Variants in NOXRED1 observed in about 807,000 individuals in gnomAD.
The protein encoded by NOXRED1 is NADP-dependent oxidoreductase domain-containing protein 1.
In NOXRED1, 20 loss-of-function variants were observed where a neutral mutation model predicts 30.4. That is an observed-to-expected ratio of 0.66 (90% CI 0.46 to 0.96). NOXRED1 has a LOEUF of 0.96. Among genes scored for constraint, NOXRED1 ranks in the 40% least tolerant of loss-of-function variants. The pLI is 0.00. For missense variants in NOXRED1, 374 were observed against 428.0 expected (o/e 0.87, Z 1.11); for synonymous variants, 155 against 168.0 (o/e 0.92, Z 0.60).
rs1295152570 is a variant in NOXRED1, at chr14:77,394,080, A to C, written c.*551T>G. On this transcript the variant is annotated 3_prime_UTR_variant, in exon 6 of 6. Transcript: ENST00000380835. Reference sequence around the variant, plus strand: ...TTTAGCCATTAAATACCAGTTTTTTAAATGGTTTAAATGGGAACAGCTGTA... The same window carrying C: ...TTTAGCCATTAAATACCAGTTTTTTCAATGGTTTAAATGGGAACAGCTGTA... 1 of 152,238 alleles carries C rather than the reference A, an allele frequency of 6.6e-6. No homozygotes were observed. The highest frequency in any genetic ancestry group is 1.5e-5 in the Non-Finnish European group (1 of 68,036). 9.4% of individuals were successfully genotyped at this position (152,238 alleles called of 1,614,324 possible). A position where few individuals can be genotyped will look rare whatever the true frequency, so the allele number is the denominator to read the frequency against.
At chr14:77,400,876 T>G (rs888465483) in intron 5 of NOXRED1, among the ~76,000 whole-genome samples, 8 of 151,846 alleles carry the variant, frequency 5.3e-5, no homozygotes, top group Non-Finnish European at 1.2e-4. Flanking sequence ...TCAAATGAAA[T>G]ATGTGCAAGA....
At chr14:77,409,501 C>A (rs1894585689) in intron 2 of NOXRED1, among the ~76,000 whole-genome samples, 1 of 152,172 alleles carries the variant, frequency 6.6e-6, no homozygotes, top group African/African-American at 2.4e-5. Context: ...AATTAAACCT[C>A]TTTTGTTTAT....
At chr14:77,409,810 A>T (rs1001397400) in intron 2 of NOXRED1, among the ~76,000 whole-genome samples, 2 of 141,364 alleles carry the variant, frequency 1.4e-5, no homozygotes, top group African/African-American at 2.6e-5. Flanking sequence ...ATACCTTGAG[A>T]TTTTTTTTTT....
intron 1 of NOXRED1, among the ~76,000 whole-genome samples, chr14:77,417,140 CA>C (rs879495583): frequency 0.058 from 5,982 of 103,930 alleles, 159 homozygotes; most frequent in South Asian, 0.1. Context: ...CTATTATGGT[CA>C]AAAAAAAAAA....
Position 77,394,871 on chromosome 14 carries a change from A to C in NOXRED1, c.906-66T>G, listed in dbSNP as rs1433933037. ...AGTATATCTGATTTGGCTGTTAAAC[A>C]CATCTTTTAAAGAAAGTTTTCCTCA... is the stretch of plus-strand genomic sequence containing the variant. On this transcript the variant is annotated intron_variant, in intron 5 of 5. Transcript: ENST00000380835. 3.4e-6 allele frequency: 4 copies of C among 1,167,282 alleles called. No individual in the cohort carries two copies. In the East Asian group the frequency reaches 9.5e-5, roughly 28 times the overall value. 72.3% of individuals were successfully genotyped at this position (1,167,282 alleles called of 1,614,324 possible). A position where few individuals can be genotyped will look rare whatever the true frequency, so the allele number is the denominator to read the frequency against.
Position 77,407,605 on chromosome 14 carries a change from G to C in NOXRED1, c.390C>G (p.Asn130Lys). 6.2e-7 allele frequency: 1 copy of C among 1,614,126 alleles called. No individual in the cohort carries two copies. ...CATCGGCCCAACTCACCAGATCAGC[G>C]TTATGGTAAAAGCATTTGATTCCCA... ...QKLGIKCFYH[N>K]ADLVSWADVI... is the part of the protein sequence containing the mutation. Residue 130 changes from asparagine to lysine, a missense_variant, in exon 3 of 6, where the codon AAC becomes AAG. Transcript: ENST00000380835.
At chr14:77,420,325 T>C (rs1894954759) in intron 1 of NOXRED1, among the ~76,000 whole-genome samples, 1 of 152,088 alleles carries the variant, frequency 6.6e-6, no homozygotes, top group Admixed American at 6.5e-5. Flanking sequence ...AGTTTCTCTT[T>C]ATGATATTAT....
At chr14:77,400,448 CAT>C (rs1424651465) in intron 5 of NOXRED1, among the ~76,000 whole-genome samples, 3 of 152,176 alleles carry the variant, frequency 2.0e-5, no homozygotes, top group Non-Finnish European at 4.4e-5. Context: ...GTTCTGATGA[CAT>C]GTGCCCAAGG....
chr14:77,415,934 C>T (rs1363164868), intron 1 of NOXRED1, among the ~76,000 whole-genome samples: 1 of 151,938 alleles, frequency 6.6e-6, no homozygotes, highest in Non-Finnish European at 1.5e-5. Flanking sequence ...AGGCTGGTCT[C>T]GAACTCCCCA....
chr14:77,395,643 T>TA (rs946926946), intron 5 of NOXRED1, among the ~76,000 whole-genome samples: 12 of 148,142 alleles, frequency 8.1e-5, no homozygotes, highest in Admixed American at 2.0e-4. Flanking sequence ...CTGTACAAAT[T>TA]AAAAAAAAAA....
intron 1 of NOXRED1, among the ~76,000 whole-genome samples, chr14:77,416,830 G>T (rs572227415): frequency 7.0e-4 from 106 of 151,836 alleles, no homozygotes; most frequent in African/African-American, 2.5e-3. Flanking sequence ...CCGGGCGGGG[G>T]GCTGACCCCC....
At chr14:77,415,554 G>A (rs998305578) in intron 1 of NOXRED1, among the ~76,000 whole-genome samples, 1 of 151,698 alleles carries the variant, frequency 6.6e-6, no homozygotes, top group South Asian at 2.1e-4. Context: ...GGGCAATAGA[G>A]CAAGACTTGA....
Position 77,423,088 on chromosome 14 carries a change from A to C in NOXRED1, c.-199T>G. The stretch of plus-strand genomic sequence containing the variant: ...CACCTCTCTTGAATTCACACTCTAG[A>C]GTGTGAGTGTTTGAGGATTCCTAAT... On this transcript the variant is annotated 5_prime_UTR_variant, in exon 1 of 6. Coordinates refer to ENST00000380835, the MANE Select transcript of NOXRED1 (RefSeq NM_001113475.3). 1.9e-6 allele frequency: 1 copy of C among 536,420 alleles called. No homozygotes were observed. Among genetic ancestry groups the C allele is most frequent in the South Asian group, 2.6e-5 (1 of 37,738 alleles). 33.2% of individuals were successfully genotyped at this position (536,420 alleles called of 1,614,324 possible).
chr14:77,406,410 T>G (rs1894458869), intron 4 of NOXRED1: 1 of 593,662 alleles, frequency 1.7e-6, no homozygotes, highest in East Asian at 2.8e-5. Context: ...GTTGCTAATA[T>G]GGAGAAGGAA....
rs1895029008 is a variant in NOXRED1 at position 77,422,719 on chromosome 14, T to C, written c.155+16A>G. On this transcript the variant is annotated intron_variant, in intron 1 of 5. Coordinates refer to ENST00000380835, the MANE Select transcript of NOXRED1 (RefSeq NM_001113475.3). ...AGATTCTTGTCCATCTTCCTGAATTTGGATACTCGGCTTACCTCAAATTAT... is the reference window on the plus strand; with the variant it reads ...AGATTCTTGTCCATCTTCCTGAATTCGGATACTCGGCTTACCTCAAATTAT... 2 of 1,612,780 alleles carry C rather than the reference T, an allele frequency of 1.2e-6. No homozygotes were observed. The highest frequency in any genetic ancestry group is 2.7e-5 in the African/African-American group (2 of 74,888).
chr14:77,408,266 G>A (rs554425988), intron 2 of NOXRED1, among the ~76,000 whole-genome samples: 1 of 152,124 alleles, frequency 6.6e-6, no homozygotes, highest in Admixed American at 6.5e-5. Flanking sequence ...TGTGATCATG[G>A]CTTACTATAG....
At chr14:77,398,649 C>T (rs1167338646) in intron 5 of NOXRED1, among the ~76,000 whole-genome samples, 1 of 152,204 alleles carries the variant, frequency 6.6e-6, no homozygotes, top group Non-Finnish European at 1.5e-5. Flanking sequence ...AACACTTCCC[C>T]TCCTCAACTC....
intron 1 of NOXRED1, among the ~76,000 whole-genome samples, chr14:77,417,052 T>C (rs1894847863): frequency 6.6e-6 from 1 of 152,200 alleles, no homozygotes; most frequent in Non-Finnish European, 1.5e-5. Context: ...GTTTGATTCA[T>C]TGGTTGTTCA....
chr14:77,395,357 C>T (rs1210556872), intron 5 of NOXRED1, among the ~76,000 whole-genome samples: 4 of 151,972 alleles, frequency 2.6e-5, no homozygotes, highest in Admixed American at 1.3e-4. Flanking sequence ...CTGCCCGTCT[C>T]GGCCTCCCAA....
Sources: allele counts gnomAD v4.1 joint callset (sites outside exome capture counted in the v4.1 genomes callset), GRCh38; gene constraint gnomAD v4.1.1; transcripts MANE v1.5; gene names NCBI Gene and HGNC (gene_info 2026-07-23, HGNC 2026-07-21).